The following ITPA variants were observed in gnomAD, a reference collection of about 807,000 sequenced individuals.
ITPA encodes inosine triphosphate pyrophosphatase.
ITPA carries 29 observed loss-of-function variants against 29.6 expected under a neutral mutation model. The observed-to-expected ratio is 0.98, with a 90% CI of 0.73 to 1.34. The LOEUF is 1.34. Among genes scored for constraint, ITPA ranks in the 40% most tolerant of loss-of-function variants. ITPA has a pLI of 0.00. For missense variants in ITPA, 241 were observed against 251.5 expected, an observed-to-expected ratio of 0.96 and a Z score of 0.28; for synonymous variants, 103 against 99.3, an observed-to-expected ratio of 1.04 and a Z score of -0.22.
At chr20:3,216,190 T>C (rs1329948210) in intron 5 of ITPA, among the ~76,000 whole-genome samples, 1 of 136,842 alleles carries the variant, frequency 7.3e-6, no homozygotes, top group African/African-American at 3.0e-5. Context: ...GACAAAGTCT[T>C]GCTCTGTCGC....
chr20:3,214,795 C>T (rs532235617), intron 4 of ITPA, among the ~76,000 whole-genome samples: 3 of 152,060 alleles, frequency 2.0e-5, no homozygotes, highest in South Asian at 2.1e-4. Flanking sequence ...TAGCCAGGAT[C>T]GTCTCCATCT....
intron 5 of ITPA, among the ~76,000 whole-genome samples, chr20:3,217,906 G>GTTT (rs375450991): frequency 7.3e-6 from 1 of 137,720 alleles, no homozygotes; most frequent in African/African-American, 2.6e-5. Flanking sequence ...GTTTTTGTGG[G>GTTT]TTTTTTTTTG....
rs190370885 is a variant in ITPA, at chr20:3,215,099, T to C, written c.264-182T>C. 152 of 634,016 alleles carry C rather than the reference T, an allele frequency of 2.4e-4. 3 individuals are homozygous for C. In the East Asian group the frequency reaches 3.6e-3, roughly 15 times the overall value. The allele number at this position is 634,016 out of a possible 1,614,324, so 39.3% of individuals were successfully genotyped here. Reference sequence around the variant, plus strand: ...CCAAGCTTTTCTCAAACTCCTGAGCTCAAGCGATCCGCCTGCCTTAGCCTC... The same window carrying C: ...CCAAGCTTTTCTCAAACTCCTGAGCCCAAGCGATCCGCCTGCCTTAGCCTC... On this transcript the variant is annotated intron_variant, in intron 4 of 7. Transcript: ENST00000380113.
chr20:3,219,317 G>A lies in ITPA; in HGVS notation c.411+685G>A, dbSNP rs148882925. On this transcript the variant is annotated intron_variant, in intron 6 of 7. Coordinates refer to ENST00000380113, the MANE Select transcript of ITPA (RefSeq NM_033453.4). Reference sequence around the variant, plus strand: ...CGCCTCCAGGGTTCAAGCATAGAATGTTAATTCTTGGCCAGGTTTGGTGAT... The same window carrying A: ...CGCCTCCAGGGTTCAAGCATAGAATATTAATTCTTGGCCAGGTTTGGTGAT... Among the ~76,000 whole-genome samples, 6 of 141,870 alleles carry A rather than the reference G, an allele frequency of 4.2e-5. No individual in the cohort carries two copies. In the East Asian group the frequency reaches 1.3e-3, roughly 32 times the overall value. 93.1% of individuals were successfully genotyped at this position (141,870 alleles called of 152,430 possible).
rs940659097 is a variant in ITPA at position 3,213,098 on chromosome 20, G to A, written c.67-71G>A. 2.4e-5 allele frequency: 35 copies of A among 1,438,224 alleles called. 1 individual carries two copies. The highest frequency in any genetic ancestry group is 2.0e-4 in the African/African-American group (14 of 71,544). The allele number at this position is 1,438,224 out of a possible 1,614,324, so 89.1% of individuals were successfully genotyped here. On this transcript the variant is annotated intron_variant, in intron 1 of 7. Coordinates refer to ENST00000380113, the MANE Select transcript of ITPA (RefSeq NM_033453.4). ...CAGCAGAGTTATCGATGAGAAAGGCGGATGACAGCTCACGTGCTCACATGG... is the reference window on the plus strand; with the variant it reads ...CAGCAGAGTTATCGATGAGAAAGGCAGATGACAGCTCACGTGCTCACATGG...
At chr20:3,209,237 T>C (rs1446718332), upstream of ITPA, 11 of 435,800 alleles carry the variant, frequency 2.5e-5, no homozygotes, top group African/African-American at 4.3e-5. The surrounding 1 kb of genome is among the most constrained non-coding windows in gnomAD (Gnocchi z 4.6). Flanking sequence ...GGAGACCCCA[T>C]TGCAGAGAAG....
chr20:3,219,937 G>C (rs2067417100), intron 6 of ITPA, among the ~76,000 whole-genome samples: 1 of 151,386 alleles, frequency 6.6e-6, no homozygotes, highest in Non-Finnish European at 1.5e-5. Flanking sequence ...AGCTACTTGG[G>C]AGGCTGAGGT....
At chr20:3,215,092 C>T in intron 4 of ITPA, 189 bp from the exon 5 acceptor site, 2 of 620,878 alleles carry the variant, frequency 3.2e-6, no homozygotes, top group Middle Eastern at 4.4e-4. Context: ...TTCTCAAACT[C>T]CTGAGCTCAA....
intron 4 of ITPA, among the ~76,000 whole-genome samples, chr20:3,214,740 T>C (rs901083968): frequency 6.6e-5 from 10 of 151,844 alleles, no homozygotes; most frequent in Non-Finnish European, 1.3e-4. Flanking sequence ...CCACCACACC[T>C]GGCTAATTTT....
rs188444210 is a variant in ITPA at position 3,223,525 on chromosome 20, C to T, written c.*63C>T. On this transcript the variant is annotated 3_prime_UTR_variant, in exon 8 of 8. Coordinates refer to ENST00000380113, the MANE Select transcript of ITPA (RefSeq NM_033453.4). Reference sequence around the variant, plus strand: ...TGGGGAGGGCTAGCCCAAAACCTCCCGCATCGGGCAGGCACCCCCTGAAGT... The same window carrying T: ...TGGGGAGGGCTAGCCCAAAACCTCCTGCATCGGGCAGGCACCCCCTGAAGT... 1.3e-5 allele frequency: 17 copies of T among 1,302,258 alleles called. No individual in the cohort carries two copies. The highest frequency in any genetic ancestry group is 8.7e-5 in the African/African-American group (6 of 68,880). The allele number at this position is 1,302,258 out of a possible 1,614,324, so 80.7% of individuals were successfully genotyped here. A position where few individuals can be genotyped will look rare whatever the true frequency, so the allele number is the denominator to read the frequency against.
At chr20:3,209,361 C>G (rs2067117777), upstream of ITPA, 7 of 673,990 alleles carry the variant, frequency 1.0e-5, no homozygotes, top group South Asian at 9.4e-5. This position sits in a 1 kb window ranked among gnomAD's most constrained non-coding sequence, Gnocchi z 4.6. Flanking sequence ...AGGCCCCCAG[C>G]AAATCGGACG....
At chr20:3,213,529 C>T (rs780117445) in intron 3 of ITPA, 146 bp downstream of exon 3, 9 of 906,796 alleles carry the variant, frequency 9.9e-6, no homozygotes, top group Non-Finnish European at 1.6e-5. Context: ...TTAATATTGG[C>T]TTTGGAACAC....
At chr20:3,221,958 TAC>T (rs2067476245) in intron 7 of ITPA, 41 bp downstream of exon 7, 1 of 1,593,104 alleles carries the variant, frequency 6.3e-7, no homozygotes, top group African/African-American at 1.3e-5. Flanking sequence ...GTGGGGTTGG[TAC>T]AGCCATGGTT....
chr20:3,220,350 A>G (rs184751361), intron 6 of ITPA, among the ~76,000 whole-genome samples: 91 of 152,156 alleles, frequency 6.0e-4, no homozygotes, highest in Non-Finnish European at 9.4e-4. Flanking sequence ...GGTTCAAGCA[A>G]TTCTCCTGCC....
intron 6 of ITPA, among the ~76,000 whole-genome samples, chr20:3,219,967 C>T (rs953741813): frequency 2.1e-5 from 3 of 143,626 alleles, no homozygotes; most frequent in South Asian, 2.4e-4. Flanking sequence ...ACCTGAGCCT[C>T]GGAGTTTGAC....
At chr20:3,204,535 A>G, upstream of ITPA, 1 of 1,557,948 alleles carries the variant, frequency 6.4e-7, no homozygotes, top group Non-Finnish European at 8.6e-7. Context: ...GGCATCTCCT[A>G]CCTGATGCCG....
At chr20:3,222,427 G>T (rs1312772392) in intron 7 of ITPA, among the ~76,000 whole-genome samples, 1 of 152,102 alleles carries the variant, frequency 6.6e-6, no homozygotes, top group Non-Finnish European at 1.5e-5. Flanking sequence ...GGCCAGGCTG[G>T]TCTCAAACTG....
chr20:3,218,944 A>T (rs908698528), intron 6 of ITPA: 2 of 440,384 alleles, frequency 4.5e-6, no homozygotes, highest in Admixed American at 7.0e-5. Flanking sequence ...TCAGGGAAAC[A>T]GTTGGCTAAC....
In ITPA at chr20:3,209,715, GA is replaced by G; in HGVS notation, c.66+99del. 1 of 987,356 alleles carries G rather than the reference GA, an allele frequency of 1.0e-6. No individual in the cohort carries two copies. The highest frequency in any genetic ancestry group is 2.5e-5 in the East Asian group (1 of 40,482). 61.2% of individuals were successfully genotyped at this position (987,356 alleles called of 1,614,324 possible). A position where few individuals can be genotyped will look rare whatever the true frequency, so the allele number is the denominator to read the frequency against. The stretch of plus-strand genomic sequence containing the variant: ...GGAAGCACGTGGGAGGAGGCATGGA[GA>G]GAGAACAGAATTCAGCCCGGAAGAA... On this transcript the variant is annotated intron_variant, in intron 1 of 7. Transcript: ENST00000380113. The surrounding 1 kb of genome is among the most constrained non-coding windows in gnomAD (Gnocchi z 4.6).
Sources: allele counts gnomAD v4.1 joint callset (sites outside exome capture counted in the v4.1 genomes callset), GRCh38; gene constraint gnomAD v4.1.1; non-coding constraint Gnocchi (gnomAD v3.1); transcripts MANE v1.5; gene names NCBI Gene and HGNC (gene_info 2026-07-23, HGNC 2026-07-21).